The following DIS3L2 variants were observed in gnomAD, a reference collection of about 807,000 sequenced individuals.
The protein encoded by DIS3L2 is DIS3 like 3'-5' exoribonuclease 2, also known as DIS3-like exonuclease 2.
A neutral mutation model predicts 97.5 loss-of-function variants in DIS3L2; 34 were observed. The observed-to-expected ratio is 0.35, with a 90% CI of 0.27 to 0.46. The LOEUF is 0.46. Among genes scored for constraint, DIS3L2 ranks in the 20% least tolerant of loss-of-function variants. The pLI is 1.00. For synonymous variants in DIS3L2, 435 were observed against 445.2 expected, an observed-to-expected ratio of 0.98 and a Z score of 0.29; for missense variants, 1,038 against 1,146.0, an observed-to-expected ratio of 0.91 and a Z score of 1.36.
Position 232,273,044 on chromosome 2 carries a change from T to A in DIS3L2, c.1659+9604T>A, listed in dbSNP as rs1205686793. On this transcript the variant is annotated intron_variant, in intron 13 of 20. Coordinates refer to ENST00000325385, the MANE Select transcript of DIS3L2 (RefSeq NM_152383.5). ...AGCCTACTCCTCCACCTTCACCCTGTGACCTTCTCCACCTTCACCCTGTGA... is the reference window on the plus strand; with the variant it reads ...AGCCTACTCCTCCACCTTCACCCTGAGACCTTCTCCACCTTCACCCTGTGA... 2.0e-5 allele frequency among the ~76,000 whole-genome samples: 3 copies of A among 152,094 alleles called. No homozygotes were observed. The East Asian group carries it at 5.8e-4, about 29-fold the overall frequency.
intron 5 of DIS3L2, among the ~76,000 whole-genome samples, chr2:232,071,254 G>A (rs1023344561): frequency 2.6e-5 from 4 of 152,156 alleles, no homozygotes. Flanking sequence ...CGCTGTGGTG[G>A]CTCTTGCCTA....
chr2:232,217,953 G>T (rs187746557), intron 10 of DIS3L2, among the ~76,000 whole-genome samples: 182 of 152,328 alleles, frequency 1.2e-3, no homozygotes, highest in Non-Finnish European at 2.1e-3. Flanking sequence ...ACCCAGCAAG[G>T]CCTGTGCAGA....
chr2:232,002,911 T>C (rs1415656009), intron 1 of DIS3L2, among the ~76,000 whole-genome samples: 1 of 152,216 alleles, frequency 6.6e-6, no homozygotes, highest in East Asian at 1.9e-4. Context: ...CCATAGATTA[T>C]CTTTTAGTTA....
intron 1 of DIS3L2, among the ~76,000 whole-genome samples, chr2:231,964,752 TAAAAG>T (rs1692665084): frequency 6.6e-6 from 1 of 152,178 alleles, no homozygotes; most frequent in Admixed American, 6.5e-5. Flanking sequence ...TTAAAGGATA[TAAAAG>T]AAAAGTGCAC....
At position 232,334,712 on chromosome 2, in the gene DIS3L2, G is replaced by A. The variant is rs374080052; in HGVS notation, c.2371G>A (p.Val791Met). Residue 791 changes from valine to methionine, a missense_variant, in exon 19 of 21, where the codon GTG becomes ATG. Transcript: ENST00000325385. ...AFDVLVLRYGVQKRIYCNALA... is the reference protein window; with the variant it reads ...AFDVLVLRYGMQKRIYCNALA... The stretch of plus-strand genomic sequence containing the variant: ...CGACGTGCTGGTGCTGCGCTACGGC[G>A]TGCAGAAGCGCATCTACTGCAACGT... The A allele has an allele frequency of 9.1e-5, 147 of 1,608,330 alleles. No individual in the cohort carries two copies. The highest frequency in any genetic ancestry group is 3.5e-4 in the Middle Eastern group (2 of 5,758).
chr2:232,306,050 A>G (rs1694979076), intron 14 of DIS3L2, among the ~76,000 whole-genome samples: 1 of 152,038 alleles, frequency 6.6e-6, no homozygotes, highest in Non-Finnish European at 1.5e-5. Context: ...TCACTTTTGC[A>G]TATGTTCTGC....
chr2:232,103,693 T>C (rs115580991), intron 6 of DIS3L2, among the ~76,000 whole-genome samples: 2,374 of 152,268 alleles, frequency 0.016, 22 homozygotes, highest in Non-Finnish European at 0.022. Flanking sequence ...TTGGGGAGCT[T>C]TTCTCATTGC....
chr2:232,116,664 G>A (rs1032752223), intron 6 of DIS3L2, among the ~76,000 whole-genome samples: 11 of 152,132 alleles, frequency 7.2e-5, no homozygotes, highest in Admixed American at 2.0e-4. Flanking sequence ...CAAGCCTATT[G>A]GCTAAAAACT....
intron 8 of DIS3L2, among the ~76,000 whole-genome samples, chr2:232,156,102 C>G (rs1282140270): frequency 6.6e-6 from 1 of 152,080 alleles, no homozygotes; most frequent in African/African-American, 2.4e-5. Flanking sequence ...CCTTTCACAT[C>G]TGTCTGTTTT....
chr2:232,141,630 C>T (rs1270298944), intron 8 of DIS3L2, among the ~76,000 whole-genome samples: 1 of 151,956 alleles, frequency 6.6e-6, no homozygotes, highest in African/African-American at 2.4e-5. Flanking sequence ...ACAGCAGGTT[C>T]CATTGGAGCA....
At chr2:232,130,598 C>T (rs775315695) in intron 6 of DIS3L2, 21 bp from the exon 7 acceptor site, 2 of 1,603,442 alleles carry the variant, frequency 1.2e-6, no homozygotes, top group African/African-American at 1.3e-5. Flanking sequence ...CTCCTCTTCT[C>T]TCTTTATCTT....
chr2:232,022,634 G>C (rs920017210), intron 3 of DIS3L2, among the ~76,000 whole-genome samples: 8 of 152,168 alleles, frequency 5.3e-5, no homozygotes, highest in Non-Finnish European at 1.2e-4. Context: ...GAAATTGTTA[G>C]ACATTTAATT....
chr2:231,989,891 G>T (rs1391156435), intron 1 of DIS3L2, among the ~76,000 whole-genome samples: 1 of 152,122 alleles, frequency 6.6e-6, no homozygotes, highest in Non-Finnish European at 1.5e-5. Flanking sequence ...ATTTGCTAGG[G>T]AGTAGAGACA....
chr2:232,182,188 C>T (rs534427243), intron 9 of DIS3L2, among the ~76,000 whole-genome samples: 64 of 152,048 alleles, frequency 4.2e-4, no homozygotes, highest in East Asian at 1.9e-4. Context: ...TCTTCTTTGA[C>T]GTATTTTTTA....
chr2:232,136,673 A>T lies in DIS3L2; in HGVS notation c.904A>T (p.Ile302Phe). The change falls in exon 8 of 21, where the codon ATC becomes TTC. Residue 302 changes from isoleucine to phenylalanine, a missense_variant. Coordinates refer to ENST00000325385, the MANE Select transcript of DIS3L2 (RefSeq NM_152383.5). ...TAAAGATTATGCCAACACACTGTTC[A>T]TCTGCCGCATTGTGGACTGGAAGGA... ...RPKDYANTLFICRIVDWKEDC... is the reference protein window; with the variant it reads ...RPKDYANTLFFCRIVDWKEDC... The T allele has an allele frequency of 6.2e-7, 1 of 1,613,934 alleles. No homozygotes were observed. Among genetic ancestry groups the T allele is most frequent in the Non-Finnish European group, 8.5e-7 (1 of 1,179,920 alleles).
Position 232,199,565 on chromosome 2 carries a change from C to T in DIS3L2, c.1125-10761C>T, listed in dbSNP as rs112885943. Among the ~76,000 whole-genome samples, 19 of 152,228 alleles carry T rather than the reference C, an allele frequency of 1.2e-4. 2 individuals are homozygous for T. Among genetic ancestry groups the T allele is most frequent in the African/African-American group, 4.6e-4 (19 of 41,528 alleles). On this transcript the variant is annotated intron_variant, in intron 9 of 20. Coordinates refer to ENST00000325385, the MANE Select transcript of DIS3L2 (RefSeq NM_152383.5). Reference sequence around the variant, plus strand: ...CTTCCAATTTGATTATTCTGTGATTCTGGTCCCTGAACTGATACAGAGTGA... The same window carrying T: ...CTTCCAATTTGATTATTCTGTGATTTTGGTCCCTGAACTGATACAGAGTGA...
At chr2:232,109,008 A>G (rs904277806) in intron 6 of DIS3L2, among the ~76,000 whole-genome samples, 6 of 152,250 alleles carry the variant, frequency 3.9e-5, no homozygotes, top group Non-Finnish European at 8.8e-5. Context: ...ATTAAATGCT[A>G]TTCCCATTAA....
chr2:232,057,849 G>C (rs1351881239), intron 5 of DIS3L2, among the ~76,000 whole-genome samples: 1 of 152,134 alleles, frequency 6.6e-6, no homozygotes, highest in Non-Finnish European at 1.5e-5. Context: ...CCTCATCTTG[G>C]TTAGTGTTGT....
chr2:232,043,705 G>A (rs1695166199), intron 5 of DIS3L2, among the ~76,000 whole-genome samples: 1 of 152,084 alleles, frequency 6.6e-6, no homozygotes, highest in African/African-American at 2.4e-5. Context: ...TGTTGATTTT[G>A]GAATTAAGTT....
Sources: gnomAD v4.1 joint callset for allele counts (sites outside exome capture counted in the v4.1 genomes callset) on GRCh38, gnomAD v4.1.1 for gene constraint, MANE v1.5 for transcripts, NCBI Gene and HGNC (gene_info 2026-07-23, HGNC 2026-07-21) for gene names.